Variants in PLAAT1 observed in about 807,000 individuals in gnomAD.
PLAAT1 encodes the protein H-REV107 protein-related protein.
Under a neutral mutation model 16.4 loss-of-function variants are expected in PLAAT1, and 13 were observed. That is an observed-to-expected ratio of 0.79 (90% CI 0.52 to 1.26). The LOEUF is 1.26. Ranked by LOEUF, PLAAT1 falls within the 50% of genes most tolerant of loss-of-function variation. The pLI, the probability that PLAAT1 is intolerant of heterozygous loss-of-function variation, is 0.00. For synonymous variants in PLAAT1, 73 were observed against 78.4 expected (o/e 0.93, Z 0.36); for missense variants, 218 against 207.8 (o/e 1.05, Z -0.30).
rs568409129 is a variant in PLAAT1, at chr3:193,262,889, G to C, written c.140-81G>C. On this transcript the variant is annotated intron_variant, in intron 2 of 3. Transcript: ENST00000264735. ...AACAGGGCTAGGTTTAGACATGCCA[G>C]CATTTCCAAAGTCTTTAGATGGCAG... 8.5e-6 allele frequency: 12 copies of C among 1,404,020 alleles called. No individual in the cohort carries two copies. The Middle Eastern group carries it at 5.5e-4, about 64-fold the overall frequency. The allele number at this position is 1,404,020 out of a possible 1,614,324, so 87.0% of individuals were successfully genotyped here. A position where few individuals can be genotyped will look rare whatever the true frequency, so the allele number is the denominator to read the frequency against.
intron 3 of PLAAT1, among the ~76,000 whole-genome samples, chr3:193,268,825 T>C (rs1716868533): frequency 6.6e-6 from 1 of 152,168 alleles, no homozygotes. Context: ...TTCATTAACA[T>C]CTTGTGTTTC....
At chr3:193,276,177 T>G (rs1299529219) in intron 2 of PLAAT1, among the ~76,000 whole-genome samples, 2 of 152,202 alleles carry the variant, frequency 1.3e-5, no homozygotes. Flanking sequence ...CAAAAAGTCT[T>G]AAAGCACATG....
chr3:193,241,103 G>A, upstream of PLAAT1: 1 of 826,438 alleles, frequency 1.2e-6, no homozygotes, highest in Non-Finnish European at 1.6e-6. Context: ...CGGGGCGCGA[G>A]AAGGTGCAGT....
intron 3 of PLAAT1, among the ~76,000 whole-genome samples, chr3:193,266,355 T>A (rs1402689173): frequency 6.6e-6 from 1 of 152,192 alleles, no homozygotes; most frequent in Non-Finnish European, 1.5e-5. Flanking sequence ...GCAAATTTTT[T>A]AAAATGTTAA....
At chr3:193,253,267 T>C (rs916381163) in intron 1 of PLAAT1, among the ~76,000 whole-genome samples, 1 of 152,210 alleles carries the variant, frequency 6.6e-6, no homozygotes, top group African/African-American at 2.4e-5. Context: ...TTTATAAATA[T>C]GATAGACTTT....
intron 1 of PLAAT1, among the ~76,000 whole-genome samples, chr3:193,248,295 T>C (rs1344907744): frequency 6.6e-6 from 1 of 152,114 alleles, no homozygotes; most frequent in African/African-American, 2.4e-5. Flanking sequence ...TATGTGTTCT[T>C]AAAGGTTAAG....
At chr3:193,275,313 A>G (rs1259897929), downstream of PLAAT1, 21 of 1,611,016 alleles carry the variant, frequency 1.3e-5, no homozygotes, top group Non-Finnish European at 1.8e-5. Context: ...CTGAAAAATC[A>G]GATGGGAAAA....
At chr3:193,274,575 T>A (rs1396093564), downstream of PLAAT1, among the ~76,000 whole-genome samples, 1 of 152,198 alleles carries the variant, frequency 6.6e-6, no homozygotes, top group Non-Finnish European at 1.5e-5. Context: ...TGTTTCTCTA[T>A]GAAAAGCATA....
downstream of PLAAT1, among the ~76,000 whole-genome samples, chr3:193,278,279 T>G (rs929003107): frequency 7.9e-5 from 12 of 152,222 alleles, no homozygotes; most frequent in Non-Finnish European, 5.9e-5. Context: ...TCCTCTCACA[T>G]GTAGTCTTCC....
upstream of PLAAT1, among the ~76,000 whole-genome samples, chr3:193,240,654 CGTGTGTGTGT>C (rs370008875): frequency 7.2e-3 from 636 of 88,566 alleles, 9 homozygotes; most frequent in African/African-American, 0.028. Flanking sequence ...GGCTATCTGG[CGTGTGTGTGT>C]GTGTGTGTGT....
downstream of PLAAT1, among the ~76,000 whole-genome samples, chr3:193,272,473 C>T (rs562490364): frequency 4.2e-4 from 62 of 147,430 alleles, 1 homozygote; most frequent in East Asian, 0.011. Context: ...AACAAAAAAA[C>T]CCAGTTTTCT....
chr3:193,275,020 G>C (rs1466490178), downstream of PLAAT1: 1 of 1,613,124 alleles, frequency 6.2e-7, no homozygotes, highest in East Asian at 2.2e-5. Context: ...ATGCTGTTGA[G>C]CATGTACGAC....
intron 2 of PLAAT1, chr3:193,276,742 T>C (rs371770107): frequency 3.8e-6 from 6 of 1,569,810 alleles, no homozygotes; most frequent in Non-Finnish European, 5.2e-6. Flanking sequence ...ATATAGAGAT[T>C]ACTTTACCTC....
intron 1 of PLAAT1, among the ~76,000 whole-genome samples, chr3:193,253,613 T>C (rs1297943046): frequency 1.3e-5 from 2 of 152,068 alleles, no homozygotes; most frequent in African/African-American, 2.4e-5. Flanking sequence ...TGCCCATACC[T>C]ATTTTCAACA....
chr3:193,240,971 G>C (rs1010800596), upstream of PLAAT1, among the ~76,000 whole-genome samples: 1 of 152,170 alleles, frequency 6.6e-6, no homozygotes, highest in Non-Finnish European at 1.5e-5. Context: ...TGCCCTAAAC[G>C]TTGGCTGCGG....
chr3:193,267,874 G>C (rs927082421), intron 3 of PLAAT1, among the ~76,000 whole-genome samples: 6 of 152,172 alleles, frequency 3.9e-5, no homozygotes, highest in Admixed American at 3.9e-4. Flanking sequence ...AGCATTTGAT[G>C]TTATCAGTAT....
intron 2 of PLAAT1, among the ~76,000 whole-genome samples, chr3:193,257,738 CA>C (rs2108791889): frequency 6.6e-6 from 1 of 152,234 alleles, no homozygotes; most frequent in Admixed American, 6.5e-5. Context: ...CTAGGAGAGA[CA>C]GACCCACCCT....
intron 2 of PLAAT1, among the ~76,000 whole-genome samples, chr3:193,260,350 C>T (rs547349321): frequency 5.3e-5 from 8 of 152,128 alleles, no homozygotes; most frequent in Admixed American, 1.3e-4. Flanking sequence ...ACAAAAATGA[C>T]GAGTGAGACC....
At chr3:193,268,750 T>A (rs1434975281) in intron 3 of PLAAT1, among the ~76,000 whole-genome samples, 1 of 152,204 alleles carries the variant, frequency 6.6e-6, no homozygotes, top group Non-Finnish European at 1.5e-5. Flanking sequence ...CTTTGTCATC[T>A]CTAGGGATTT....
Sources: allele counts gnomAD v4.1 joint callset (sites outside exome capture counted in the v4.1 genomes callset), GRCh38; gene constraint gnomAD v4.1.1; transcripts MANE v1.5; gene names NCBI Gene and HGNC (gene_info 2026-07-23, HGNC 2026-07-21).